COLEC11: variants seen among roughly 807,000 people sequenced by gnomAD.
COLEC11 encodes collectin-11.
Under a neutral mutation model 27.3 loss-of-function variants are expected in COLEC11, and 20 were observed. The observed-to-expected ratio is 0.73, with a 90% CI of 0.51 to 1.06. COLEC11 has a LOEUF of 1.06. Among genes scored for constraint, COLEC11 ranks in the 50% least tolerant of loss-of-function variants. COLEC11 has a pLI of 0.00. For synonymous variants in COLEC11, 163 were observed against 154.7 expected (o/e 1.05, Z -0.40); for missense variants, 310 against 383.0 (o/e 0.81, Z 1.59).
chr2:3,609,871 C>T (rs962785055), intron 2 of COLEC11, among the ~76,000 whole-genome samples: 1 of 152,184 alleles, frequency 6.6e-6, no homozygotes, highest in African/African-American at 2.4e-5. Flanking sequence ...GCTGTGTTGC[C>T]CAGGCTGGTC....
intron 2 of COLEC11, among the ~76,000 whole-genome samples, chr2:3,612,797 C>T (rs1663320803): frequency 6.6e-6 from 1 of 152,182 alleles, no homozygotes; most frequent in African/African-American, 2.4e-5. Context: ...TGGTCACAGG[C>T]AGCCCCCGTG....
chr2:3,641,331 G>A (rs1160493011), intron 5 of COLEC11: 1 of 1,303,112 alleles, frequency 7.7e-7, no homozygotes, highest in South Asian at 1.2e-5. Flanking sequence ...GCTGAGATCA[G>A]TGTCACTGAC....
At chr2:3,635,634 C>T (rs1665346325) in intron 3 of COLEC11, among the ~76,000 whole-genome samples, 1 of 152,218 alleles carries the variant, frequency 6.6e-6, no homozygotes, top group South Asian at 2.1e-4. Context: ...AGCTCTGATC[C>T]CTGCAGCCAG....
At chr2:3,615,947 TC>T (rs2147892186) in intron 3 of COLEC11, among the ~76,000 whole-genome samples, 1 of 31,176 alleles carries the variant, frequency 3.2e-5, no homozygotes, top group Non-Finnish European at 1.3e-4. Context: ...GTGGAGATGC[TC>T]CTCACTTCCC....
chr2:3,634,575 T>G (rs1665245825), intron 3 of COLEC11, among the ~76,000 whole-genome samples: 1 of 152,210 alleles, frequency 6.6e-6, no homozygotes, highest in African/African-American at 2.4e-5. Flanking sequence ...TTGAAGCTGT[T>G]TGTTCCAGTT....
intron 3 of COLEC11, among the ~76,000 whole-genome samples, chr2:3,625,402 A>G (rs1234865712): frequency 6.6e-6 from 1 of 151,898 alleles, no homozygotes; most frequent in South Asian, 2.1e-4. Flanking sequence ...GTGGGGGGCC[A>G]TGGACCCAGC....
intron 3 of COLEC11, among the ~76,000 whole-genome samples, chr2:3,632,561 C>G (rs1373919463): frequency 6.6e-6 from 1 of 152,226 alleles, no homozygotes; most frequent in African/African-American, 2.4e-5. Context: ...CCTGTTGGAC[C>G]AGGGCCCACC....
At chr2:3,605,821 C>A (rs1255215587) in intron 2 of COLEC11, 13 of 371,432 alleles carry the variant, frequency 3.5e-5, no homozygotes, top group Non-Finnish European at 6.5e-5. Context: ...TCAGCCCTCT[C>A]CCGGGGCACA....
intron 1 of COLEC11, among the ~76,000 whole-genome samples, chr2:3,600,756 C>T (rs1028800550): frequency 5.3e-5 from 8 of 152,202 alleles, no homozygotes; most frequent in South Asian, 2.1e-4. Context: ...TAGTTGTATA[C>T]ACACATTAAC....
At chr2:3,616,621 TGGC>T (rs1663760685) in intron 3 of COLEC11, among the ~76,000 whole-genome samples, 1 of 152,224 alleles carries the variant, frequency 6.6e-6, no homozygotes, top group Admixed American at 6.5e-5. Flanking sequence ...CAGTCAGGCA[TGGC>T]GGCGCACGCC....
Position 3,612,295 on chromosome 2 carries a change from G to A in COLEC11, c.131-1016G>A, listed in dbSNP as rs1028753576. Among the ~76,000 whole-genome samples the A allele has an allele frequency of 2.0e-4, 31 of 152,130 alleles. 1 individual carries two copies. The highest frequency in any genetic ancestry group is 6.8e-4 in the African/African-American group (28 of 41,442). On this transcript the variant is annotated intron_variant, in intron 2 of 6. Transcript: ENST00000349077. ...ACACATGCACACACACTCCCTGTCT[G>A]CAACCATTCAGAGGAGGGATAGTGC... is the stretch of plus-strand genomic sequence containing the variant.
chr2:3,637,633 T>TC, intron 4 of COLEC11, 29 bp downstream of exon 4: 1 of 1,579,558 alleles, frequency 6.3e-7, no homozygotes, highest in Non-Finnish European at 8.7e-7. Context: ...TTGCCTCATT[T>TC]CCCCCCTGCC....
At chr2:3,641,622 C>A (rs6721435) in intron 5 of COLEC11, among the ~76,000 whole-genome samples, 24,088 of 152,192 alleles carry the variant, frequency 0.16, 5,771 homozygotes, top group African/African-American at 0.52. Flanking sequence ...ATATATTTAA[C>A]AAATTTTATC....
At chr2:3,637,936 C>T (rs1325952744) in intron 4 of COLEC11, among the ~76,000 whole-genome samples, 1 of 152,188 alleles carries the variant, frequency 6.6e-6, no homozygotes, top group Non-Finnish European at 1.5e-5. Context: ...GACTTAGAGC[C>T]TCACGTAAGG....
intron 1 of COLEC11, among the ~76,000 whole-genome samples, chr2:3,600,016 A>G (rs1300542996): frequency 6.6e-6 from 1 of 152,040 alleles, no homozygotes; most frequent in Admixed American, 6.6e-5. Context: ...TGGGTGGATC[A>G]TGAGGTCAGG....
intron 3 of COLEC11, among the ~76,000 whole-genome samples, chr2:3,635,657 C>T (rs1665348566): frequency 6.6e-6 from 1 of 152,246 alleles, no homozygotes; most frequent in African/African-American, 2.4e-5. Context: ...CCCTGCACAG[C>T]TGGCAACACA....
intron 3 of COLEC11, among the ~76,000 whole-genome samples, chr2:3,629,040 A>G (rs948291598): frequency 1.3e-5 from 2 of 152,180 alleles, no homozygotes; most frequent in Non-Finnish European, 2.9e-5. Flanking sequence ...CCTCTTGCAA[A>G]AAGCTTTCTG....
At chr2:3,603,852 G>C (rs1196771302) in intron 1 of COLEC11, 1 of 616,344 alleles carries the variant, frequency 1.6e-6, no homozygotes, top group Admixed American at 2.9e-5. Flanking sequence ...TGGATTCCTT[G>C]TCTGTGAATG....
chr2:3,599,179 G>A (rs935220883), intron 1 of COLEC11, among the ~76,000 whole-genome samples: 20 of 152,266 alleles, frequency 1.3e-4, no homozygotes, highest in Admixed American at 1.0e-3. Flanking sequence ...TGACGAGTGC[G>A]TGATGGTGCT....
Sources: allele counts gnomAD v4.1 joint callset (sites outside exome capture counted in the v4.1 genomes callset), GRCh38; gene constraint gnomAD v4.1.1; transcripts MANE v1.5; gene names NCBI Gene and HGNC (gene_info 2026-07-23, HGNC 2026-07-21).